Variants in SLC6A5 observed in about 807,000 individuals in gnomAD.
The protein encoded by SLC6A5 is solute carrier family 6 member 5.
In SLC6A5, 58 loss-of-function variants were observed where a neutral mutation model predicts 90.5. The ratio of observed to expected loss-of-function variants is 0.64; its 90% CI spans 0.52 to 0.80. The LOEUF (loss-of-function observed/expected upper bound fraction) is 0.80, where lower values mean the gene tolerates loss of function less well. Among genes scored for constraint, SLC6A5 ranks in the 30% least tolerant of loss-of-function variants. The pLI, the probability that SLC6A5 is intolerant of heterozygous loss-of-function variation, is 0.00. For missense variants in SLC6A5, 1,015 were observed against 1,017.6 expected (o/e 1.00, Z 0.03); for synonymous variants, 427 against 401.4 (o/e 1.06, Z -0.76).
chr11:20,629,489 G>A (rs1471219951), intron 9 of SLC6A5, among the ~76,000 whole-genome samples: 7 of 151,956 alleles, frequency 4.6e-5, no homozygotes, highest in Non-Finnish European at 5.9e-5. Flanking sequence ...TTCTTTATAC[G>A]TTTTTTGCTT....
At chr11:20,630,370 A>T (rs983162609) in intron 9 of SLC6A5, among the ~76,000 whole-genome samples, 2 of 152,126 alleles carry the variant, frequency 1.3e-5, no homozygotes, top group Admixed American at 1.3e-4. Flanking sequence ...AATACTATCA[A>T]ATTGTGGATT....
chr11:20,655,436 C>T lies in SLC6A5; in HGVS notation c.*568C>T, dbSNP rs926271831. On this transcript the variant is annotated 3_prime_UTR_variant, in exon 16 of 16. Coordinates refer to ENST00000525748, the MANE Select transcript of SLC6A5 (RefSeq NM_004211.5). ...TGGTTAAGTTTATATTTCCAGTCAC[C>T]ACTGGGGATCTGTTTCCTTCGTTTG... The T allele has an allele frequency of 6.1e-6, 1 of 163,288 alleles. No homozygotes were observed. Among genetic ancestry groups the T allele is most frequent in the Non-Finnish European group, 1.4e-5 (1 of 73,552 alleles). 10.1% of individuals were successfully genotyped at this position (163,288 alleles called of 1,614,324 possible).
At position 20,606,998 on chromosome 11, in the gene SLC6A5, C is replaced by T. The variant is rs1037667631; in HGVS notation, c.680-9C>T. 1.9e-6 allele frequency: 3 copies of T among 1,614,002 alleles called. No homozygotes were observed. The highest frequency in any genetic ancestry group is 2.5e-6 in the Non-Finnish European group (3 of 1,180,032). On this transcript the variant is annotated splice_polypyrimidine_tract_variant and intron_variant, in intron 3 of 15. Transcript: ENST00000525748. ...TCCTAGGGCTCTCACTCCCCACTCT[C>T]TTTCCAAGGTGCTTTCCTCATCCCT... is the stretch of plus-strand genomic sequence containing the variant.
chr11:20,646,335 C>T (rs552244029), intron 13 of SLC6A5, among the ~76,000 whole-genome samples: 30 of 152,204 alleles, frequency 2.0e-4, no homozygotes, highest in Non-Finnish European at 3.8e-4. Context: ...TCATCTTGCA[C>T]GGCACAAAGA....
At chr11:20,642,689 G>T (rs901568970) in intron 13 of SLC6A5, among the ~76,000 whole-genome samples, 2 of 152,174 alleles carry the variant, frequency 1.3e-5, no homozygotes, top group Non-Finnish European at 2.9e-5. Flanking sequence ...GAGAAAGCAG[G>T]CAGAGGAAAC....
chr11:20,631,272 G>A (rs762290134), intron 10 of SLC6A5, among the ~76,000 whole-genome samples: 1 of 152,164 alleles, frequency 6.6e-6, no homozygotes, highest in Non-Finnish European at 1.5e-5. Context: ...TCCTTACAAA[G>A]CACTTTTCTG....
intron 14 of SLC6A5, among the ~76,000 whole-genome samples, chr11:20,647,263 A>C (rs1853434775): frequency 7.3e-6 from 1 of 137,804 alleles, no homozygotes; most frequent in Non-Finnish European, 1.6e-5. Flanking sequence ...GTTCCTATAT[A>C]TATAATATCA....
At chr11:20,637,108 G>T in intron 11 of SLC6A5, 64 bp from the exon 12 acceptor site, 2 of 1,552,484 alleles carry the variant, frequency 1.3e-6, no homozygotes, top group Non-Finnish European at 1.8e-6. Flanking sequence ...CATACAAAGG[G>T]CTTGGGGGTA....
intron 5 of SLC6A5, among the ~76,000 whole-genome samples, chr11:20,614,060 C>T (rs1852740515): frequency 6.6e-6 from 1 of 152,152 alleles, no homozygotes; most frequent in Non-Finnish European, 1.5e-5. Flanking sequence ...GTGGTTGCTG[C>T]CTCTGCTTAC....
chr11:20,606,931 C>G (rs1852592679), intron 3 of SLC6A5, 76 bp from the exon 4 acceptor site: 1 of 1,598,062 alleles, frequency 6.3e-7, no homozygotes, highest in African/African-American at 1.3e-5. Context: ...GAGCTCAGCC[C>G]CTAGCCCAGA....
intron 7 of SLC6A5, among the ~76,000 whole-genome samples, chr11:20,618,464 C>A (rs1452969950): frequency 6.6e-6 from 1 of 152,168 alleles, no homozygotes; most frequent in East Asian, 1.9e-4. Context: ...TTTGGCTGAG[C>A]AATTACTTGG....
chr11:20,616,424 C>T (rs1363591952), intron 6 of SLC6A5, among the ~76,000 whole-genome samples: 1 of 152,186 alleles, frequency 6.6e-6, no homozygotes, highest in Non-Finnish European at 1.5e-5. Context: ...TGCAAACCTG[C>T]TTTTGATGGC....
Position 20,649,068 on chromosome 11 carries a change from A to C in SLC6A5, c.2070+2134A>C, listed in dbSNP as rs1228491043. Among the ~76,000 whole-genome samples the C allele has an allele frequency of 2.0e-5, 3 of 152,180 alleles. No homozygotes were observed. In the East Asian group the frequency reaches 5.8e-4, roughly 29 times the overall value. ...CTAAAAACCTAGTACTTTCATCTTCAATTAGAGTTTGGCCAGTTTGGATTA... is the reference window on the plus strand; with the variant it reads ...CTAAAAACCTAGTACTTTCATCTTCCATTAGAGTTTGGCCAGTTTGGATTA... On this transcript the variant is annotated intron_variant, in intron 14 of 15. Coordinates refer to ENST00000525748, the MANE Select transcript of SLC6A5 (RefSeq NM_004211.5).
Position 20,601,296 on chromosome 11 carries a change from C to T in SLC6A5, c.171C>T (p.Thr57=), listed in dbSNP as rs984766680. The change falls in exon 2 of 16, where the codon ACC becomes ACT. Residue 57 remains threonine (T), a synonymous_variant. Transcript: ENST00000525748. The part of the protein sequence containing the change: ...PPPRVPRSAS[T]GAQTFQSADA... ...CACGTGTGCCCAGGTCCGCTTCCAC[C>T]GGCGCCCAAACTTTCCAGTCAGCGG... 1 of 1,590,388 alleles carries T rather than the reference C, an allele frequency of 6.3e-7. No individual in the cohort carries two copies. The highest frequency in any genetic ancestry group is 8.5e-7 in the Non-Finnish European group (1 of 1,173,790).
chr11:20,636,512 G>T lies in SLC6A5; in HGVS notation c.1737+93G>T, dbSNP rs1430025156. ...GGTTCACCCTTCAGGAGAGGGGTAG[G>T]CTTACGGGTGTCTGAATGTTTCTCC... is the stretch of plus-strand genomic sequence containing the variant. On this transcript the variant is annotated intron_variant, in intron 11 of 15. Transcript: ENST00000525748. 10 of 788,942 alleles carry T rather than the reference G, an allele frequency of 1.3e-5. No individual in the cohort carries two copies. The African/African-American group carries it at 1.5e-4, about 12-fold the overall frequency. 48.9% of individuals were successfully genotyped at this position (788,942 alleles called of 1,614,324 possible).
At chr11:20,607,290 A>G (rs1852601944) in intron 4 of SLC6A5, 152 bp downstream of exon 4, 7 of 1,302,158 alleles carry the variant, frequency 5.4e-6, no homozygotes, top group South Asian at 3.7e-5. Flanking sequence ...ATGGCCCAAG[A>G]TCACCTCTGG....
At chr11:20,626,937 C>T (rs1447045295) in intron 8 of SLC6A5, 95 bp downstream of exon 8, 2 of 985,062 alleles carry the variant, frequency 2.0e-6, no homozygotes, top group African/African-American at 1.6e-5. Flanking sequence ...CAGGGAATCC[C>T]AGTGTGTGCT....
chr11:20,643,291 C>T (rs1161744580), intron 13 of SLC6A5, among the ~76,000 whole-genome samples: 1 of 151,878 alleles, frequency 6.6e-6, no homozygotes, highest in African/African-American at 2.4e-5. Flanking sequence ...TTTTTGAGGG[C>T]CTCAGCTTTG....
intron 13 of SLC6A5, among the ~76,000 whole-genome samples, 161 bp downstream of exon 13, chr11:20,638,719 C>T (rs148494390): frequency 1.6e-4 from 25 of 152,248 alleles, no homozygotes; most frequent in African/African-American, 3.6e-4. Flanking sequence ...ACTTGCCTCA[C>T]GACCACTGTG....
Sources: allele counts gnomAD v4.1 joint callset (sites outside exome capture counted in the v4.1 genomes callset), GRCh38; gene constraint gnomAD v4.1.1; transcripts MANE v1.5; gene names NCBI Gene and HGNC (gene_info 2026-07-23, HGNC 2026-07-21).